The following FGD5 variants were observed in gnomAD, a reference collection of about 807,000 sequenced individuals.
The protein encoded by FGD5 is FYVE, RhoGEF and PH domain-containing protein 5.
FGD5 carries 28 observed loss-of-function variants against 133.4 expected under a neutral mutation model. That is an observed-to-expected ratio of 0.21 (90% confidence interval 0.16 to 0.29). FGD5 has a LOEUF of 0.29. Among genes scored for constraint, FGD5 ranks in the 10% least tolerant of loss-of-function variants. The pLI is 1.00. For synonymous variants in FGD5, 810 were observed against 776.5 expected (o/e 1.04, Z -0.72); for missense variants, 1,858 against 1,895.2 (o/e 0.98, Z 0.36).
intron 2 of FGD5, among the ~76,000 whole-genome samples, chr3:14,873,513 T>C (rs1377328459): frequency 6.6e-6 from 1 of 152,154 alleles, no homozygotes; most frequent in Admixed American, 6.5e-5. Flanking sequence ...TTTGAAGTCA[T>C]GGCTGGACCT....
intron 4 of FGD5, among the ~76,000 whole-genome samples, chr3:14,895,417 G>A (rs933295236): frequency 6.6e-6 from 1 of 152,160 alleles, no homozygotes; most frequent in Non-Finnish European, 1.5e-5. Context: ...TCATTCTTCT[G>A]CATTTAGTTA....
intron 7 of FGD5, among the ~76,000 whole-genome samples, chr3:14,899,969 A>G (rs2038206187): frequency 1.3e-5 from 2 of 152,346 alleles, no homozygotes; most frequent in South Asian, 4.1e-4. Flanking sequence ...GAAAGCCATC[A>G]TGGCCAGAAT....
At chr3:14,893,719 C>T (rs955528422) in intron 4 of FGD5, among the ~76,000 whole-genome samples, 5 of 148,336 alleles carry the variant, frequency 3.4e-5, no homozygotes, top group African/African-American at 9.9e-5. Flanking sequence ...ATCTAATATT[C>T]GGTCTTATTT....
chr3:14,905,011 C>G (rs1423670580), intron 9 of FGD5, among the ~76,000 whole-genome samples: 2 of 151,772 alleles, frequency 1.3e-5, no homozygotes, highest in South Asian at 4.2e-4. Flanking sequence ...GAGTTTTTAC[C>G]AATGTTTCCC....
At chr3:14,832,003 G>A (rs1447293495) in intron 1 of FGD5, among the ~76,000 whole-genome samples, 1 of 152,106 alleles carries the variant, frequency 6.6e-6, no homozygotes, top group African/African-American at 2.4e-5. Context: ...GATATTTGGT[G>A]GACACAGATG....
intron 10 of FGD5, among the ~76,000 whole-genome samples, chr3:14,909,156 C>T (rs1012551102): frequency 4.0e-5 from 6 of 151,814 alleles, no homozygotes; most frequent in African/African-American, 7.3e-5. Flanking sequence ...TTAGTAGAGA[C>T]GGGGTTTCTC....
chr3:14,888,946 G>A (rs1249215017), intron 4 of FGD5, among the ~76,000 whole-genome samples: 2 of 152,222 alleles, frequency 1.3e-5, no homozygotes, highest in African/African-American at 2.4e-5. Context: ...AAACTCAGGC[G>A]GAATGGAGGA....
Position 14,917,221 on chromosome 3 carries a change from T to C in FGD5, c.3406-28T>C. The C allele has an allele frequency of 6.2e-7, 1 of 1,602,212 alleles. No homozygotes were observed. The highest frequency in any genetic ancestry group is 1.1e-5 in the South Asian group (1 of 89,098). On this transcript the variant is annotated intron_variant, in intron 11 of 19. Transcript: ENST00000285046. The surrounding 1 kb of genome is among the most constrained non-coding windows in gnomAD (Gnocchi z 4.1). ...CTGGCGCAGCCTTCTGGGGCCAGGGTCCTCTCATAGGGTTTCCCTCTCTCC... is the reference window on the plus strand; with the variant it reads ...CTGGCGCAGCCTTCTGGGGCCAGGGCCCTCTCATAGGGTTTCCCTCTCTCC...
Position 14,913,630 on chromosome 3 carries a change from G to T in FGD5, c.3405+2701G>T, listed in dbSNP as rs576763649. Reference sequence around the variant, plus strand: ...TGGCACAGGGCAGAGCTCTGTCTTGGCCCCTCAGCCATTTGCATCTGGCCA... The same window carrying T: ...TGGCACAGGGCAGAGCTCTGTCTTGTCCCCTCAGCCATTTGCATCTGGCCA... On this transcript the variant is annotated intron_variant, in intron 11 of 19. Coordinates refer to ENST00000285046, the MANE Select transcript of FGD5 (RefSeq NM_152536.4). Among the ~76,000 whole-genome samples, 77 of 152,288 alleles carry T rather than the reference G, an allele frequency of 5.1e-4. 1 individual carries two copies. Among genetic ancestry groups the T allele is most frequent in the Admixed American group, 1.0e-3 (16 of 15,306 alleles).
chr3:14,831,606 C>A (rs1369176211), intron 1 of FGD5, among the ~76,000 whole-genome samples: 1 of 152,084 alleles, frequency 6.6e-6, no homozygotes, highest in African/African-American at 2.4e-5. Flanking sequence ...ACTGGCCCAG[C>A]CACACCAGAG....
At chr3:14,816,301 G>A (rs1055028058), upstream of FGD5, among the ~76,000 whole-genome samples, 11 of 152,174 alleles carry the variant, frequency 7.2e-5, no homozygotes, top group South Asian at 2.1e-4. Context: ...GAATAATTTC[G>A]TGCCAATGCC....
At chr3:14,859,889 C>A (rs556451805) in intron 1 of FGD5, among the ~76,000 whole-genome samples, 129 of 152,266 alleles carry the variant, frequency 8.5e-4, no homozygotes, top group Non-Finnish European at 1.4e-3. Flanking sequence ...CACTCCCCCC[C>A]CAAAAAGGGA....
intron 10 of FGD5, 72 bp downstream of exon 10, chr3:14,907,783 G>A: frequency 4.0e-6 from 6 of 1,503,546 alleles, no homozygotes; most frequent in Non-Finnish European, 5.5e-6. Flanking sequence ...TTGTTCACTG[G>A]GCTGGCCCCA....
rs1230555415 is a variant in FGD5, at chr3:14,922,825, T to C, written c.3808-221T>C. On this transcript the variant is annotated intron_variant, in intron 15 of 19. Coordinates refer to ENST00000285046, the MANE Select transcript of FGD5 (RefSeq NM_152536.4). The surrounding 1 kb of genome is among the most constrained non-coding windows in gnomAD (Gnocchi z 4.1). Reference sequence around the variant, plus strand: ...GCTTGGAGAAAAAAGTATCATGTAGTGGTTAAGGGCGCGGGCTCATCAGAA... The same window carrying C: ...GCTTGGAGAAAAAAGTATCATGTAGCGGTTAAGGGCGCGGGCTCATCAGAA... Among the ~76,000 whole-genome samples the C allele has an allele frequency of 1.3e-5, 2 of 151,946 alleles. No individual in the cohort carries two copies. The highest frequency in any genetic ancestry group is 4.8e-5 in the African/African-American group (2 of 41,366).
intron 1 of FGD5, among the ~76,000 whole-genome samples, chr3:14,862,840 G>C (rs575759049): frequency 7.9e-5 from 12 of 152,164 alleles, no homozygotes; most frequent in African/African-American, 2.6e-4. Flanking sequence ...TCCTTGCTCT[G>C]TCTGGCCCTA....
intron 4 of FGD5, chr3:14,882,304 C>G (rs1314042276): frequency 3.6e-5 from 35 of 985,136 alleles, no homozygotes; most frequent in Non-Finnish European, 3.9e-5. Context: ...GGGAAACTTG[C>G]ATCTATGTTT....
upstream of FGD5, among the ~76,000 whole-genome samples, chr3:14,817,818 A>G (rs7624040): frequency 0.049 from 7,466 of 152,258 alleles, 617 homozygotes; most frequent in African/African-American, 0.17. Flanking sequence ...TATGGGTGGC[A>G]GGGATCCATG....
chr3:14,844,227 T>A (rs1244121080), intron 1 of FGD5, among the ~76,000 whole-genome samples: 425 of 13,312 alleles, frequency 0.032, 18 homozygotes, highest in South Asian at 0.084. Context: ...AATATATATA[T>A]ATATATATAT....
chr3:14,853,829 G>A (rs1052766186), intron 1 of FGD5, among the ~76,000 whole-genome samples: 1 of 141,120 alleles, frequency 7.1e-6, no homozygotes, highest in Non-Finnish European at 1.5e-5. Flanking sequence ...CTAGGCTGCC[G>A]AAAAGGACTA....
Sources: gnomAD v4.1 joint callset for allele counts (sites outside exome capture counted in the v4.1 genomes callset) on GRCh38, gnomAD v4.1.1 for gene constraint, Gnocchi (gnomAD v3.1) non-coding constraint, MANE v1.5 for transcripts, NCBI Gene and HGNC (gene_info 2026-07-23, HGNC 2026-07-21) for gene names.